GLIS3: variants seen among roughly 807,000 people sequenced by gnomAD.
GLIS3 encodes zinc finger protein GLIS3.
In GLIS3, 53 loss-of-function variants were observed where a neutral mutation model predicts 78.6. The observed-to-expected ratio is 0.67, with a 90% CI of 0.54 to 0.85. The LOEUF (loss-of-function observed/expected upper bound fraction) is 0.85, where lower values mean the gene tolerates loss of function less well. GLIS3 is among the 40% of genes least tolerant of loss of function. GLIS3 has a pLI of 0.00. For missense variants in GLIS3, 1,703 were observed against 1,231.1 expected, an observed-to-expected ratio of 1.38 and a Z score of -5.74; for synonymous variants, 684 against 509.9, an observed-to-expected ratio of 1.34 and a Z score of -4.60.
chr9:3,893,093 C>T (rs1214854894), intron 7 of GLIS3, among the ~76,000 whole-genome samples: 3 of 152,152 alleles, frequency 2.0e-5, no homozygotes, highest in African/African-American at 2.4e-5. Context: ...TCTCCCTCCT[C>T]CCACCCTCTA....
intron 8 of GLIS3, among the ~76,000 whole-genome samples, chr9:3,877,853 C>G (rs1359168263): frequency 6.6e-6 from 1 of 152,192 alleles, no homozygotes; most frequent in East Asian, 1.9e-4. Context: ...ACTCAACTAT[C>G]TTGCCACCTG....
chr9:4,203,026 G>C (rs755004608), intron 2 of GLIS3, among the ~76,000 whole-genome samples: 8 of 152,158 alleles, frequency 5.3e-5, no homozygotes, highest in Non-Finnish European at 8.8e-5. Flanking sequence ...TATCAGCAAA[G>C]AGACAACCTG....
At chr9:4,330,847 G>T (rs1274076543) in intron 2 of GLIS3, among the ~76,000 whole-genome samples, 1 of 152,148 alleles carries the variant, frequency 6.6e-6, no homozygotes, top group Non-Finnish European at 1.5e-5. Flanking sequence ...CCAGCACCAG[G>T]CGAGCCAGGA....
At chr9:3,980,336 G>C (rs752608314) in intron 4 of GLIS3, among the ~76,000 whole-genome samples, 1 of 152,192 alleles carries the variant, frequency 6.6e-6, no homozygotes, top group Admixed American at 6.5e-5. Context: ...ACACCAAGAG[G>C]AGGCCCAGGT....
chr9:4,486,530 G>A, the GLIS3 span, among the ~76,000 whole-genome samples: 1 of 152,284 alleles, frequency 6.6e-6, no homozygotes, highest in South Asian at 2.1e-4. Flanking sequence ...CCTCCAGATA[G>A]TATATAAACT....
intron 1 of GLIS3, among the ~76,000 whole-genome samples, chr9:4,298,039 T>TGC (rs1405684354): frequency 6.6e-6 from 1 of 152,154 alleles, no homozygotes; most frequent in African/African-American, 2.4e-5. Context: ...CTCGGCCCCG[T>TGC]GCGCGAGCGA....
Position 4,061,157 on chromosome 9 carries a change from C to T in GLIS3, c.1710+56611G>A, listed in dbSNP as rs954391762. ...TGTATACATGTGCCATGTTGGTGTG[C>T]TGCACCCATTAACTCGTCATTTACA... is the stretch of plus-strand genomic sequence containing the variant. On this transcript the variant is annotated intron_variant, in intron 4 of 10. Coordinates refer to ENST00000381971, the MANE Select transcript of GLIS3 (RefSeq NM_001042413.2). Among the ~76,000 whole-genome samples the T allele has an allele frequency of 5.9e-5, 9 of 151,876 alleles. No individual in the cohort carries two copies. The Middle Eastern group carries it at 0.01, about 172-fold the overall frequency.
At chr9:4,293,539 T>G (rs2130411312) in intron 1 of GLIS3, among the ~76,000 whole-genome samples, 1 of 152,324 alleles carries the variant, frequency 6.6e-6, no homozygotes. Flanking sequence ...CTCAGCCAAG[T>G]TACAGACAGA....
At chr9:4,363,011 G>C in the GLIS3 span, among the ~76,000 whole-genome samples, 1 of 152,182 alleles carries the variant, frequency 6.6e-6, no homozygotes, top group African/African-American at 2.4e-5. Context: ...GAAGAGAGGA[G>C]AGAAGTGAAC....
At chr9:3,992,713 G>A (rs1820420482) in intron 4 of GLIS3, among the ~76,000 whole-genome samples, 1 of 152,134 alleles carries the variant, frequency 6.6e-6, no homozygotes, top group African/African-American at 2.4e-5. Flanking sequence ...AAAATTAACA[G>A]TGTCTTCACT....
At chr9:4,185,616 A>C (rs1488942592) in intron 2 of GLIS3, among the ~76,000 whole-genome samples, 3 of 152,188 alleles carry the variant, frequency 2.0e-5, no homozygotes, top group Admixed American at 6.5e-5. Flanking sequence ...GCTTTAAGGA[A>C]GGTTTAATAA....
chr9:4,434,596 G>A, the GLIS3 span, among the ~76,000 whole-genome samples: 1 of 152,174 alleles, frequency 6.6e-6, no homozygotes, highest in Non-Finnish European at 1.5e-5. Context: ...AGGTGGGTGA[G>A]TGGATGGATG....
rs193137448 is a variant in GLIS3 at position 4,240,911 on chromosome 9, G to A, written c.388+45127C>T. Among the ~76,000 whole-genome samples the A allele has an allele frequency of 3.2e-3, 478 of 151,742 alleles. 4 individuals carry two copies. The highest frequency in any genetic ancestry group is 0.011 in the African/African-American group (448 of 41,360). ...ATAAATAAAAATTAATGACACAGGA[G>A]GAAAAAAAGAGAACTTTAGATACTC... On this transcript the variant is annotated intron_variant, in intron 2 of 10. Coordinates refer to ENST00000381971, the MANE Select transcript of GLIS3 (RefSeq NM_001042413.2).
chr9:4,158,813 G>C (rs879344041), intron 2 of GLIS3, among the ~76,000 whole-genome samples: 7 of 152,102 alleles, frequency 4.6e-5, no homozygotes, highest in South Asian at 2.1e-4. Flanking sequence ...TCAAATAAGC[G>C]TAAGTGCCAT....
chr9:4,456,726 G>A, the GLIS3 span, among the ~76,000 whole-genome samples: 3 of 152,132 alleles, frequency 2.0e-5, no homozygotes, highest in Non-Finnish European at 4.4e-5. Flanking sequence ...TTACTTATTG[G>A]CCTAACTTCA....
chr9:4,351,396 C>T (rs1439209794), upstream of GLIS3, among the ~76,000 whole-genome samples: 3 of 113,440 alleles, frequency 2.6e-5, no homozygotes, highest in African/African-American at 9.6e-5. Flanking sequence ...CAGAGTGTCT[C>T]AAAAAAAAAA....
Position 3,977,513 on chromosome 9 carries a change from G to C in GLIS3, c.1711-40324C>G, listed in dbSNP as rs1818894538. Among the ~76,000 whole-genome samples, 1 of 152,140 alleles carries C rather than the reference G, an allele frequency of 6.6e-6. No individual in the cohort carries two copies. The highest frequency in any genetic ancestry group is 2.4e-5 in the African/African-American group (1 of 41,432). ...TCCTTTTGGCACCCGGCACAGCTTA[G>C]CAATTTTGAGAGCCCATCAAAACAG... On this transcript the variant is annotated intron_variant, in intron 4 of 10. Coordinates refer to ENST00000381971, the MANE Select transcript of GLIS3 (RefSeq NM_001042413.2). This position sits in a 1 kb window ranked among gnomAD's most constrained non-coding sequence, Gnocchi z 4.1.
At chr9:4,335,729 TC>T in intron 2 of GLIS3, among the ~76,000 whole-genome samples, 1 of 152,288 alleles carries the variant, frequency 6.6e-6, no homozygotes, top group Admixed American at 6.5e-5. Flanking sequence ...CTTAGAGGCA[TC>T]CATCCCTTTC....
intron 4 of GLIS3, among the ~76,000 whole-genome samples, chr9:4,067,803 C>CAA (rs5896043): frequency 7.2e-4 from 107 of 149,390 alleles, no homozygotes; most frequent in East Asian, 1.8e-3. Flanking sequence ...AACATTAGAG[C>CAA]AAAAAAAAAA....
Sources: gnomAD v4.1 joint callset for allele counts (sites outside exome capture counted in the v4.1 genomes callset) on GRCh38, gnomAD v4.1.1 for gene constraint, Gnocchi (gnomAD v3.1) non-coding constraint, MANE v1.5 for transcripts, NCBI Gene and HGNC (gene_info 2026-07-23, HGNC 2026-07-21) for gene names.